Variants in PDZRN3 observed in about 807,000 individuals in gnomAD.
PDZRN3 encodes PDZ domain containing ring finger 3.
Under a neutral mutation model 85.7 loss-of-function variants are expected in PDZRN3, and 38 were observed. That is an observed-to-expected ratio of 0.44 (90% CI 0.34 to 0.58). The LOEUF is 0.58. Among genes scored for constraint, PDZRN3 ranks in the 20% least tolerant of loss-of-function variants. The probability of loss-of-function intolerance (pLI) is 0.01; values close to 1 mark genes in which losing one functional copy is unlikely to be tolerated. For missense variants in PDZRN3, 1,629 were observed against 1,506.4 expected (o/e 1.08, Z -1.35); for synonymous variants, 759 against 638.0 (o/e 1.19, Z -2.86).
chr3:73,503,948 G>C (rs1015652000), intron 3 of PDZRN3, among the ~76,000 whole-genome samples: 1 of 152,166 alleles, frequency 6.6e-6, no homozygotes, highest in African/African-American at 2.4e-5. Context: ...CATCTGAAAC[G>C]TAACTCAGCG....
rs57755670 is a variant in PDZRN3 at position 73,437,045 on chromosome 3, CAA to C, written c.919-32652_919-32651del. 8.5e-3 allele frequency among the ~76,000 whole-genome samples: 618 copies of C among 72,650 alleles called. 5 individuals are homozygous for C. Among genetic ancestry groups the C allele is most frequent in the African/African-American group, 0.02 (555 of 27,650 alleles). 47.7% of individuals were successfully genotyped at this position (72,650 alleles called of 152,430 possible). A position where few individuals can be genotyped will look rare whatever the true frequency, so the allele number is the denominator to read the frequency against. ...CTGGCGACAGAGAAAGACTCTGTCTCAAAAAAAAAAAAAAAAAAAATTACTGA... is the reference window on the plus strand; with the variant it reads ...CTGGCGACAGAGAAAGACTCTGTCTCAAAAAAAAAAAAAAAAAATTACTGA... On this transcript the variant is annotated intron_variant, in intron 3 of 9. Coordinates refer to ENST00000263666, the MANE Select transcript of PDZRN3 (RefSeq NM_015009.3).
Position 73,404,528 on chromosome 3 carries a change from TTC to T in PDZRN3, c.919-135_919-134del, listed in dbSNP as rs1575626844. The T allele has an allele frequency of 1.3e-5, 12 of 915,548 alleles. No homozygotes were observed. The East Asian group carries it at 3.0e-4, about 23-fold the overall frequency. The allele number at this position is 915,548 out of a possible 1,614,324, so 56.7% of individuals were successfully genotyped here. ...AGGTGGTGGTGTCAGAGAACTTCAG[TTC>T]TCTGTGTTTAGGTTTCCCGAAGAAT... On this transcript the variant is annotated intron_variant, in intron 3 of 9. Coordinates refer to ENST00000263666, the MANE Select transcript of PDZRN3 (RefSeq NM_015009.3).
chr3:73,472,050 T>TTTTTTTTTTTTTTTTTTTTTTTTTTTTG (rs1703353334), intron 3 of PDZRN3, among the ~76,000 whole-genome samples: 1 of 152,212 alleles, frequency 6.6e-6, no homozygotes, highest in African/African-American at 2.4e-5. Flanking sequence ...TTACTATTTT[T>TTTTTTTTTTTTTTTTTTTTTTTTTTTTG]AAGATACTGT....
At chr3:73,607,203 G>A (rs1230643943) in intron 2 of PDZRN3, among the ~76,000 whole-genome samples, 1 of 152,192 alleles carries the variant, frequency 6.6e-6, no homozygotes, top group Non-Finnish European at 1.5e-5. Context: ...GGAATGGCAG[G>A]AGAACATACT....
rs986122539 is a variant in PDZRN3 at position 73,624,914 on chromosome 3, C to G, written c.-89G>C. 1 of 1,061,880 alleles carries G rather than the reference C, an allele frequency of 9.4e-7. No individual in the cohort carries two copies. Among genetic ancestry groups the G allele is most frequent in the Non-Finnish European group, 1.2e-6 (1 of 831,266 alleles). 65.8% of individuals were successfully genotyped at this position (1,061,880 alleles called of 1,614,324 possible). A position where few individuals can be genotyped will look rare whatever the true frequency, so the allele number is the denominator to read the frequency against. ...GGCCCAGACAGGCCGGCTACGCCGC[C>G]CGCGCGCTCGCTGGCTCTCCCCGGA... On this transcript the variant is annotated 5_prime_UTR_variant, in exon 1 of 10. Transcript: ENST00000263666.
chr3:73,611,350 A>G (rs557387418), intron 1 of PDZRN3, among the ~76,000 whole-genome samples: 4 of 152,348 alleles, frequency 2.6e-5, no homozygotes, highest in African/African-American at 9.6e-5. Context: ...CTCCCAAGGG[A>G]CAATTAAGAC....
At chr3:73,538,915 C>T (rs1298438768) in intron 3 of PDZRN3, among the ~76,000 whole-genome samples, 1 of 152,048 alleles carries the variant, frequency 6.6e-6, no homozygotes, top group Non-Finnish European at 1.5e-5. Context: ...CTCTTTTGTT[C>T]CTTAATCTAG....
intron 3 of PDZRN3, among the ~76,000 whole-genome samples, chr3:73,502,500 C>T (rs866629150): frequency 6.6e-6 from 1 of 152,190 alleles, no homozygotes. Context: ...CTCCAATATC[C>T]ATTGATTCTA....
chr3:73,420,345 T>C (rs974728296), intron 3 of PDZRN3, among the ~76,000 whole-genome samples: 3 of 152,166 alleles, frequency 2.0e-5, no homozygotes, highest in African/African-American at 7.2e-5. Context: ...TGGTGGATGT[T>C]TTCCTCCATC....
intron 3 of PDZRN3, among the ~76,000 whole-genome samples, chr3:73,542,178 C>T (rs1704940097): frequency 6.6e-6 from 1 of 152,130 alleles, no homozygotes; most frequent in South Asian, 2.1e-4. Context: ...ACTTTGATGG[C>T]TTTATTAAAT....
intron 3 of PDZRN3, among the ~76,000 whole-genome samples, chr3:73,451,532 T>C (rs1446641476): frequency 1.3e-5 from 2 of 152,286 alleles, no homozygotes; most frequent in East Asian, 3.9e-4. Context: ...AGTCTGTCAC[T>C]TTGGTCATGG....
chr3:73,408,202 T>C (rs1261677811), intron 3 of PDZRN3: 28 of 703,062 alleles, frequency 4.0e-5, no homozygotes, highest in Admixed American at 2.8e-4. Flanking sequence ...GAAGCCAGCG[T>C]TGGAATCCTG....
chr3:73,519,274 T>C (rs1180879869), intron 3 of PDZRN3, among the ~76,000 whole-genome samples: 1 of 152,110 alleles, frequency 6.6e-6, no homozygotes, highest in Admixed American at 6.5e-5. Flanking sequence ...GGCCAGAGCA[T>C]ACAGCTGAAT....
rs372949149 is a variant in PDZRN3, at chr3:73,453,424, CAA to C, written c.919-49031_919-49030del. 8.2e-4 allele frequency among the ~76,000 whole-genome samples: 79 copies of C among 96,834 alleles called. 1 individual carries two copies. The highest frequency in any genetic ancestry group is 7.4e-3 in the Middle Eastern group (1 of 136). The allele number at this position is 96,834 out of a possible 152,430, so 63.5% of individuals were successfully genotyped here. A position where few individuals can be genotyped will look rare whatever the true frequency, so the allele number is the denominator to read the frequency against. ...CGTCTCAAAAAAAAAAAAAAAAAAA[CAA>C]AAAAAAAAAACAAAGAAAGAAGAAA... On this transcript the variant is annotated intron_variant, in intron 3 of 9. Transcript: ENST00000263666.
intron 3 of PDZRN3, among the ~76,000 whole-genome samples, chr3:73,427,403 A>G (rs73096405): frequency 0.016 from 2,460 of 152,208 alleles, 25 homozygotes; most frequent in South Asian, 0.035. Flanking sequence ...TTCACCCCGA[A>G]CTGTTGACGG....
At chr3:73,487,994 A>C (rs1292930459) in intron 3 of PDZRN3, among the ~76,000 whole-genome samples, 1 of 152,140 alleles carries the variant, frequency 6.6e-6, no homozygotes, top group African/African-American at 2.4e-5. Flanking sequence ...GATATTCCCC[A>C]ATTTTAGATA....
chr3:73,462,706 T>C (rs1487787699), intron 3 of PDZRN3, among the ~76,000 whole-genome samples: 2 of 152,202 alleles, frequency 1.3e-5, no homozygotes, highest in Admixed American at 1.3e-4. Context: ...CCTCTCTGCA[T>C]GTGGTGGAAG....
At chr3:73,571,294 T>A (rs181335247) in intron 3 of PDZRN3, among the ~76,000 whole-genome samples, 1 of 152,306 alleles carries the variant, frequency 6.6e-6, no homozygotes, top group East Asian at 1.9e-4. Flanking sequence ...CAGTGATTTA[T>A]CACCTGCCAC....
chr3:73,559,332 C>T (rs1370548425), intron 3 of PDZRN3, among the ~76,000 whole-genome samples: 3 of 152,060 alleles, frequency 2.0e-5, no homozygotes, highest in Admixed American at 6.5e-5. Flanking sequence ...TTTCTGGTGC[C>T]ATTTTATGGA....
Sources: gnomAD v4.1 joint callset for allele counts (sites outside exome capture counted in the v4.1 genomes callset) on GRCh38, gnomAD v4.1.1 for gene constraint, MANE v1.5 for transcripts, NCBI Gene and HGNC (gene_info 2026-07-23, HGNC 2026-07-21) for gene names.